Variants in MCM9 observed in about 807,000 individuals in gnomAD.
The protein encoded by MCM9 is minichromosome maintenance 9 homologous recombination repair factor.
MCM9 carries 55 observed loss-of-function variants against 72.8 expected under a neutral mutation model. The observed-to-expected ratio is 0.76, with a 90% CI of 0.61 to 0.95. The LOEUF is 0.95. Among genes scored for constraint, MCM9 ranks in the 40% least tolerant of loss-of-function variants. The pLI, the probability that MCM9 is intolerant of heterozygous loss-of-function variation, is 0.00. For missense variants in MCM9, 1,279 were observed against 1,377.0 expected (o/e 0.93, Z 1.13); for synonymous variants, 480 against 503.4 (o/e 0.95, Z 0.62).
rs753632885 is a variant in MCM9 at position 118,911,644 on chromosome 6, C to A, written c.1150+6G>T. The A allele has an allele frequency of 1.2e-6, 2 of 1,605,784 alleles. No homozygotes were observed. Among genetic ancestry groups the A allele is most frequent in the South Asian group, 1.1e-5 (1 of 89,378 alleles). On this transcript the variant is annotated splice_donor_region_variant and intron_variant, in intron 8 of 13. Coordinates refer to ENST00000619706, the MANE Select transcript of MCM9 (RefSeq NM_017696.3). ...TTAAATTACTTGAAATTGTCACATACAATACCTGCACTAGTAGATCCAATT... is the reference window on the plus strand; with the variant it reads ...TTAAATTACTTGAAATTGTCACATAAAATACCTGCACTAGTAGATCCAATT...
Position 118,829,084 on chromosome 6 carries a change from C to G in MCM9, c.1492G>C (p.Asp498His), listed in dbSNP as rs1404779721. ...VLLDTKNEDW[D>H]RIISSFILEN... ...AAGATAAAGGAGGAAATGATACGAT[C>G]CCAGTCTTCATTCTTGGTATCAAGC... is the stretch of plus-strand genomic sequence containing the variant. The change falls in exon 10 of 14, where the codon GAT (aspartate) becomes CAT (histidine). Residue 498 changes from aspartate to histidine, a missense_variant. By Grantham distance (81) the Asp-to-His change is moderately conservative. Transcript: ENST00000619706. 1.0e-5 allele frequency: 16 copies of G among 1,550,522 alleles called. No individual in the cohort carries two copies. The highest frequency in any genetic ancestry group is 1.3e-5 in the Non-Finnish European group (15 of 1,146,998).
At chr6:118,870,920 C>T (rs148800554) in intron 8 of MCM9, among the ~76,000 whole-genome samples, 1 of 151,664 alleles carries the variant, frequency 6.6e-6, no homozygotes, top group East Asian at 1.9e-4. Flanking sequence ...TATTGAAAAT[C>T]TGCATGGATG....
chr6:118,875,257 C>T (rs546717213), intron 8 of MCM9, among the ~76,000 whole-genome samples: 1 of 152,258 alleles, frequency 6.6e-6, no homozygotes, highest in African/African-American at 2.4e-5. Context: ...AAAAGATATT[C>T]CATTTTCATG....
chr6:118,861,672 G>A (rs1776914226), intron 8 of MCM9, among the ~76,000 whole-genome samples: 1 of 152,214 alleles, frequency 6.6e-6, no homozygotes, highest in Non-Finnish European at 1.5e-5. Flanking sequence ...ATGAGTGTGT[G>A]CATCTGGCTG....
At chr6:118,827,101 G>C (rs922928545) in intron 11 of MCM9, among the ~76,000 whole-genome samples, 1 of 151,996 alleles carries the variant, frequency 6.6e-6, no homozygotes, top group Admixed American at 6.6e-5. Context: ...AGTACTCTGG[G>C]CTCTAGCAAA....
intron 8 of MCM9, chr6:118,910,807 T>G (rs1215197279): frequency 3.0e-6 from 3 of 985,302 alleles, no homozygotes; most frequent in Non-Finnish European, 3.6e-6. Flanking sequence ...GAGACCTCCT[T>G]AACAGTTTTC....
intron 8 of MCM9, among the ~76,000 whole-genome samples, chr6:118,894,882 G>A (rs1236488754): frequency 6.6e-6 from 1 of 152,162 alleles, no homozygotes; most frequent in African/African-American, 2.4e-5. Flanking sequence ...GCGACCCTCC[G>A]GGCCCGAGCA....
At chr6:118,922,812 A>C (rs563207743) in intron 4 of MCM9, among the ~76,000 whole-genome samples, 38 of 152,172 alleles carry the variant, frequency 2.5e-4, no homozygotes, top group African/African-American at 6.3e-4. Flanking sequence ...TGGGTGGATC[A>C]CCTGAGGTTA....
intron 3 of MCM9, 101 bp from the exon 4 acceptor site, chr6:118,924,228 A>G (rs200460090): frequency 6.2e-6 from 6 of 968,334 alleles, no homozygotes; most frequent in East Asian, 3.6e-5. Context: ...TTTTAATTTC[A>G]GGGGGAAAAA....
intron 1 of MCM9, among the ~76,000 whole-genome samples, chr6:118,933,964 CAAAAA>C (rs58109173): frequency 5.1e-4 from 51 of 100,318 alleles, no homozygotes; most frequent in African/African-American, 1.7e-3. Flanking sequence ...GGACTTTGCC[CAAAAA>C]AAAAAAAAAA....
At chr6:118,909,983 G>T (rs2114572696) in intron 8 of MCM9, among the ~76,000 whole-genome samples, 1 of 152,028 alleles carries the variant, frequency 6.6e-6, no homozygotes, top group East Asian at 1.9e-4. Flanking sequence ...CAGGTGCGGT[G>T]GTGCACATCT....
intron 9 of MCM9, among the ~76,000 whole-genome samples, chr6:118,852,499 A>G (rs1583435765): frequency 1.3e-5 from 2 of 152,286 alleles, no homozygotes; most frequent in Non-Finnish European, 2.9e-5. Context: ...CTGATCATAA[A>G]TGGTATCGCC....
chr6:118,919,365 C>T (rs574016640), intron 5 of MCM9: 6 of 152,300 alleles, frequency 3.9e-5, no homozygotes, highest in Non-Finnish European at 7.3e-5. Flanking sequence ...TTTCCTAAGC[C>T]TGTTTCTTGA....
chr6:118,889,627 T>C (rs1778817419), intron 8 of MCM9, among the ~76,000 whole-genome samples: 1 of 152,148 alleles, frequency 6.6e-6, no homozygotes, highest in Non-Finnish European at 1.5e-5. Context: ...AGAAAGACCT[T>C]GATTGATAAG....
chr6:118,853,292 T>A (rs1442338356), intron 9 of MCM9, among the ~76,000 whole-genome samples: 2 of 152,240 alleles, frequency 1.3e-5, no homozygotes, highest in Non-Finnish European at 2.9e-5. Context: ...CTATCCAATG[T>A]CACAATGTTT....
chr6:118,860,600 G>C (rs930711155), intron 8 of MCM9, among the ~76,000 whole-genome samples: 1 of 152,074 alleles, frequency 6.6e-6, no homozygotes, highest in African/African-American at 2.4e-5. Flanking sequence ...TAGAAATCCA[G>C]GGTGCTCAGA....
intron 9 of MCM9, among the ~76,000 whole-genome samples, chr6:118,836,968 G>A (rs1775003867): frequency 2.0e-5 from 3 of 152,076 alleles, no homozygotes; most frequent in Admixed American, 2.0e-4. Flanking sequence ...TGATGTTGGG[G>A]TGCTGAATTT....
At chr6:118,907,713 ATTTGT>A in intron 8 of MCM9, 1 of 925,094 alleles carries the variant, frequency 1.1e-6, no homozygotes, top group South Asian at 1.8e-5. Flanking sequence ...AATGTGAAGA[ATTTGT>A]TTAAAAACAT....
chr6:118,923,801 G>A lies in MCM9; in HGVS notation c.621+10C>T, dbSNP rs368139493. On this transcript the variant is annotated intron_variant, in intron 4 of 13. Transcript: ENST00000619706. ...TCAAATTTATTTATCTCGTTTATGT[G>A]ATTATTTACCTGTTCCTGAATTTTG... The A allele has an allele frequency of 1.9e-6, 3 of 1,608,226 alleles. No homozygotes were observed. Among genetic ancestry groups the A allele is most frequent in the African/African-American group, 1.3e-5 (1 of 74,708 alleles).
Sources: allele counts gnomAD v4.1 joint callset (sites outside exome capture counted in the v4.1 genomes callset), GRCh38; gene constraint gnomAD v4.1.1; transcripts MANE v1.5; gene names NCBI Gene and HGNC (gene_info 2026-07-23, HGNC 2026-07-21).